Variants in SLC22A24 observed in about 807,000 individuals in gnomAD.
SLC22A24 encodes the protein solute carrier family 22 member 24, also known as steroid transmembrane transporter SLC22A24.
Under a neutral mutation model 49.8 loss-of-function variants are expected in SLC22A24, and 53 were observed. The observed-to-expected ratio is 1.06, with a 90% CI of 0.85 to 1.34. The LOEUF (loss-of-function observed/expected upper bound fraction) is 1.34, where lower values mean the gene tolerates loss of function less well. Ranked by LOEUF, SLC22A24 falls within the 40% of genes most tolerant of loss-of-function variation. SLC22A24 has a pLI of 0.00. For synonymous variants in SLC22A24, 302 were observed against 256.4 expected (o/e 1.18, Z -1.70); for missense variants, 786 against 675.9 (o/e 1.16, Z -1.81).
At chr11:63,090,609 GTAAA>G (rs2087014309) in intron 6 of SLC22A24, among the ~76,000 whole-genome samples, 1 of 149,852 alleles carries the variant, frequency 6.7e-6, no homozygotes, top group South Asian at 2.1e-4. Context: ...TGACTACTGG[GTAAA>G]TAATGAAATT....
intron 5 of SLC22A24, among the ~76,000 whole-genome samples, chr11:63,102,258 G>A (rs2087095814): frequency 6.6e-6 from 1 of 152,032 alleles, no homozygotes; most frequent in African/African-American, 2.4e-5. Context: ...CAAGAAAAAA[G>A]AAATGGCTTT....
At chr11:63,093,294 A>G (rs1030679168) in intron 6 of SLC22A24, among the ~76,000 whole-genome samples, 7 of 152,024 alleles carry the variant, frequency 4.6e-5, no homozygotes, top group Non-Finnish European at 7.4e-5. Context: ...TGATTCCTCA[A>G]AGATCTAGAA....
At chr11:63,094,459 AT>A (rs752228034) in intron 6 of SLC22A24, among the ~76,000 whole-genome samples, 168 of 152,254 alleles carry the variant, frequency 1.1e-3, no homozygotes, top group Non-Finnish European at 1.6e-3. Flanking sequence ...ATGTGTCATT[AT>A]AGCAGCATGA....
rs149768976 is a variant in SLC22A24, at chr11:63,097,626, C to T, written c.955-1520G>A. On this transcript the variant is annotated intron_variant, in intron 5 of 9. Coordinates refer to ENST00000612278, the MANE Select transcript of SLC22A24 (RefSeq NM_001136506.2). Reference sequence around the variant, plus strand: ...ACTATAAAGACACATATGTTTATTGCAGCACTGTTCACAATAGCAAAGACT... The same window carrying T: ...ACTATAAAGACACATATGTTTATTGTAGCACTGTTCACAATAGCAAAGACT... Among the ~76,000 whole-genome samples the T allele has an allele frequency of 4.6e-5, 7 of 152,116 alleles. No homozygotes were observed. In the East Asian group the frequency reaches 1.4e-3, roughly 29 times the overall value.
intron 5 of SLC22A24, among the ~76,000 whole-genome samples, chr11:63,096,719 G>A (rs1272947188): frequency 6.6e-6 from 1 of 152,164 alleles, no homozygotes; most frequent in African/African-American, 2.4e-5. Context: ...TGAAGGCAAG[G>A]AAAAAAGTTG....
chr11:63,114,307 A>G (rs981869976), intron 4 of SLC22A24, among the ~76,000 whole-genome samples: 1 of 151,926 alleles, frequency 6.6e-6, no homozygotes, highest in Non-Finnish European at 1.5e-5. Flanking sequence ...ACTTTATTTC[A>G]TTAATTTGAT....
chr11:63,101,254 T>C (rs1476331744), intron 5 of SLC22A24, among the ~76,000 whole-genome samples: 1 of 151,944 alleles, frequency 6.6e-6, no homozygotes, highest in Non-Finnish European at 1.5e-5. Flanking sequence ...TTTTGGAGGT[T>C]ACTCAAAAAA....
Position 63,143,747 on chromosome 11 carries a change from AC to A in SLC22A24, c.32del (p.Gly11ValfsTer10), listed in dbSNP as rs1386059293. ...GACAAATCTGGAATCTCCCCATGCC[AC>A]CCACTTGATCCAGGAGCACATCAAA... MGFDVLLDQV[G>X]GMGRFQICLI... On this transcript the variant is annotated frameshift_variant, in exon 1 of 10. Transcript: ENST00000612278. LOFTEE classifies it high-confidence loss of function. 2 of 1,472,378 alleles carry A rather than the reference AC, an allele frequency of 1.4e-6. No individual in the cohort carries two copies. The highest frequency in any genetic ancestry group is 4.8e-5 in the Admixed American group (2 of 41,300). The allele number at this position is 1,472,378 out of a possible 1,614,324, so 91.2% of individuals were successfully genotyped here.
intron 6 of SLC22A24, among the ~76,000 whole-genome samples, chr11:63,088,291 G>T (rs919681921): frequency 2.0e-5 from 3 of 152,056 alleles, no homozygotes; most frequent in Admixed American, 1.3e-4. Context: ...AAAGGGTCTG[G>T]AGTGGACCTC....
intron 2 of SLC22A24, among the ~76,000 whole-genome samples, chr11:63,129,629 T>C (rs1008249532): frequency 1.3e-5 from 2 of 152,252 alleles, no homozygotes; most frequent in Non-Finnish European, 2.9e-5. Flanking sequence ...TTCTTCCACT[T>C]GCTTGTGTCC....
Position 63,107,191 on chromosome 11 carries a change from C to G in SLC22A24, c.831-2893G>C, listed in dbSNP as rs1405840988. ...AGCAACATTTATTAAAATAGGGGAT[C>G]TTTTCCCCATTTCTTGTTTTTGTCA... On this transcript the variant is annotated intron_variant, in intron 4 of 9. Transcript: ENST00000612278. 3.3e-5 allele frequency among the ~76,000 whole-genome samples: 5 copies of G among 152,166 alleles called. No individual in the cohort carries two copies. In the East Asian group the frequency reaches 9.6e-4, roughly 29 times the overall value.
intron 2 of SLC22A24, among the ~76,000 whole-genome samples, chr11:63,131,224 T>G (rs1210979730): frequency 6.6e-6 from 1 of 152,150 alleles, no homozygotes; most frequent in Non-Finnish European, 1.5e-5. Context: ...GTCTTGACTC[T>G]TTATCCAATT....
In SLC22A24 at chr11:63,081,089, T is replaced by A. The variant is rs918762336; in HGVS notation, c.1429A>T (p.Arg477Trp). ...AGAGGAGCCAGTGCTGCCCCAGTCC[T>A]ACCGGACACTGCATTGATTCCTGCA... The part of the protein sequence containing the change: ...TVAGINAVSG[R>W]TGAALAPLLM... The change falls in exon 9 of 10, where the codon AGG (arginine) becomes TGG (tryptophan). Residue 477 changes from arginine (R) to tryptophan (W), a missense_variant. Transcript: ENST00000612278. 3 of 1,551,556 alleles carry A rather than the reference T, an allele frequency of 1.9e-6. No homozygotes were observed. The highest frequency in any genetic ancestry group is 2.6e-6 in the Non-Finnish European group (3 of 1,146,948).
chr11:63,095,365 T>A (rs1590731731), intron 6 of SLC22A24, among the ~76,000 whole-genome samples: 1 of 152,164 alleles, frequency 6.6e-6, no homozygotes. Context: ...TATGGAATAT[T>A]CATATAAGAG....
chr11:63,138,082 A>G (rs1388458945), intron 1 of SLC22A24, among the ~76,000 whole-genome samples: 1 of 152,226 alleles, frequency 6.6e-6, no homozygotes, highest in Non-Finnish European at 1.5e-5. Flanking sequence ...GGGTATCAAC[A>G]GGATAGAACG....
intron 1 of SLC22A24, among the ~76,000 whole-genome samples, chr11:63,141,157 CTAAT>C (rs1409115163): frequency 6.6e-6 from 1 of 152,044 alleles, no homozygotes; most frequent in African/African-American, 2.4e-5. Context: ...TATGGTCAAA[CTAAT>C]TAAAACTGGA....
intron 2 of SLC22A24, among the ~76,000 whole-genome samples, chr11:63,129,333 A>G (rs546757618): frequency 6.6e-6 from 1 of 152,200 alleles, no homozygotes; most frequent in African/African-American, 2.4e-5. Context: ...CCATCGGTCT[A>G]TATATCTGTT....
At chr11:63,116,668 A>T (rs1441923490) in intron 4 of SLC22A24, among the ~76,000 whole-genome samples, 4 of 152,110 alleles carry the variant, frequency 2.6e-5, no homozygotes, top group African/African-American at 9.7e-5. Flanking sequence ...CATTATTTTT[A>T]AAAATATACT....
chr11:63,130,978 T>C (rs1483701353), intron 2 of SLC22A24, among the ~76,000 whole-genome samples: 1 of 152,174 alleles, frequency 6.6e-6, no homozygotes, highest in Non-Finnish European at 1.5e-5. Flanking sequence ...TGTATATATA[T>C]TTAGGATAGT....
Sources: gnomAD v4.1 joint callset for allele counts (sites outside exome capture counted in the v4.1 genomes callset) on GRCh38, gnomAD v4.1.1 for gene constraint, MANE v1.5 for transcripts, NCBI Gene and HGNC (gene_info 2026-07-23, HGNC 2026-07-21) for gene names.